The following ERCC8 variants were observed in gnomAD, a reference collection of about 807,000 sequenced individuals.
ERCC8 encodes the protein ERCC excision repair 8, CSA ubiquitin ligase complex subunit, also known as DNA excision repair protein ERCC-8.
Under a neutral mutation model 54.9 loss-of-function variants are expected in ERCC8, and 52 were observed. The observed-to-expected ratio is 0.95, with a 90% CI of 0.76 to 1.19. The LOEUF is 1.19. Among genes scored for constraint, ERCC8 ranks in the 50% most tolerant of loss-of-function variants. ERCC8 has a pLI of 0.00. For missense variants in ERCC8, 514 were observed against 466.1 expected, an observed-to-expected ratio of 1.10 and a Z score of -0.95; for synonymous variants, 146 against 157.2, an observed-to-expected ratio of 0.93 and a Z score of 0.53.
chr5:60,879,471 T>G (rs1402166271), intron 11 of ERCC8, among the ~76,000 whole-genome samples: 47 of 152,222 alleles, frequency 3.1e-4, no homozygotes, highest in Admixed American at 3.1e-3. Context: ...CAGTGGGGTG[T>G]TAAAGTCTCC....
At chr5:60,925,529 AAATTTG>A (rs1749721864) in intron 2 of ERCC8, among the ~76,000 whole-genome samples, 1 of 152,188 alleles carries the variant, frequency 6.6e-6, no homozygotes, top group African/African-American at 2.4e-5. Context: ...TGCTGTAGTC[AAATTTG>A]CTTGCTAAGT....
chr5:60,877,930 G>C (rs1394881264), intron 11 of ERCC8, among the ~76,000 whole-genome samples: 1 of 152,136 alleles, frequency 6.6e-6, no homozygotes, highest in Admixed American at 6.5e-5. Flanking sequence ...TGGTGAGAGA[G>C]GGCATCCCTG....
At chr5:60,922,803 G>C (rs936423897) in intron 2 of ERCC8, among the ~76,000 whole-genome samples, 1 of 152,056 alleles carries the variant, frequency 6.6e-6, no homozygotes, top group Non-Finnish European at 1.5e-5. Flanking sequence ...TCCTGTCTTC[G>C]CAGAGTTTAC....
In ERCC8 at chr5:60,868,950, G is replaced by A. The variant is rs184689090; in HGVS notation, c.*5665C>T. On this transcript the variant is annotated 3_prime_UTR_variant, in exon 12 of 12. Coordinates refer to ENST00000676185, the MANE Select transcript of ERCC8 (RefSeq NM_000082.4). ...ATTAGCTTTCCCTGCTATATTTTTCGACAGGCAATATTCTAATTGTGCTAG... is the reference window on the plus strand; with the variant it reads ...ATTAGCTTTCCCTGCTATATTTTTCAACAGGCAATATTCTAATTGTGCTAG... 3.0e-4 allele frequency among the ~76,000 whole-genome samples: 45 copies of A among 152,106 alleles called. 1 individual carries two copies. Among genetic ancestry groups the A allele is most frequent in the South Asian group, 2.1e-4 (1 of 4,822 alleles).
rs908490644 is a variant in ERCC8 at position 60,868,829 on chromosome 5, C to G, written c.*5786G>C. Among the ~76,000 whole-genome samples, 13 of 152,174 alleles carry G rather than the reference C, an allele frequency of 8.5e-5. No individual in the cohort carries two copies. Among genetic ancestry groups the G allele is most frequent in the African/African-American group, 2.9e-4 (12 of 41,448 alleles). The stretch of plus-strand genomic sequence containing the variant: ...ATTTAATACTTTTCCAGAATTAAAA[C>G]AGAAGAACTAGCACTATCCTGAGCC... On this transcript the variant is annotated 3_prime_UTR_variant, in exon 12 of 12. Transcript: ENST00000676185.
At chr5:60,890,528 T>A (rs1748515591) in intron 10 of ERCC8, among the ~76,000 whole-genome samples, 1 of 152,194 alleles carries the variant, frequency 6.6e-6, no homozygotes, top group Non-Finnish European at 1.5e-5. Flanking sequence ...CACACATACA[T>A]AAACCAACAT....
In ERCC8 at chr5:60,881,737, G is replaced by A. The variant is rs749569622; in HGVS notation, c.1122+5703C>T. ...TGCAGTATTAGGGTGGGAGTGACCCGATTTTCCAGGTGCCGTCTGTCACCC... is the reference window on the plus strand; with the variant it reads ...TGCAGTATTAGGGTGGGAGTGACCCAATTTTCCAGGTGCCGTCTGTCACCC... On this transcript the variant is annotated intron_variant, in intron 11 of 11. Transcript: ENST00000676185. Among the ~76,000 whole-genome samples the A allele has an allele frequency of 3.3e-5, 5 of 152,118 alleles. No homozygotes were observed. In the South Asian group the frequency reaches 1.0e-3, roughly 32 times the overall value.
At chr5:60,894,458 G>T (rs530546302) in intron 9 of ERCC8, among the ~76,000 whole-genome samples, 8 of 152,176 alleles carry the variant, frequency 5.3e-5, no homozygotes, top group African/African-American at 1.9e-4. Flanking sequence ...AGAAAACAGG[G>T]ATAAAGGCTA....
At position 60,891,341 on chromosome 5, in the gene ERCC8, C is replaced by A. The variant is rs4647125; in HGVS notation, c.844-255G>T. Among the ~76,000 whole-genome samples, 364 of 151,906 alleles carry A rather than the reference C, an allele frequency of 2.4e-3. 8 individuals are homozygous for A. The highest frequency in any genetic ancestry group is 8.5e-3 in the African/African-American group (354 of 41,412). ...ATAGAAGTAAAATACAGACTTCAAC[C>A]TTGAAGAATCATTTTAGACCATTTA... On this transcript the variant is annotated intron_variant, in intron 9 of 11. Transcript: ENST00000676185.
At chr5:60,898,214 A>T in intron 9 of ERCC8, 62 bp downstream of exon 9, 2 of 1,526,948 alleles carry the variant, frequency 1.3e-6, no homozygotes, top group Non-Finnish European at 1.8e-6. Flanking sequence ...TAAAAAAATC[A>T]AGTGTATGTC....
At chr5:60,920,160 G>T (rs1370927156) in intron 3 of ERCC8, among the ~76,000 whole-genome samples, 1 of 151,926 alleles carries the variant, frequency 6.6e-6, no homozygotes, top group Non-Finnish European at 1.5e-5. Context: ...CCCTGACTGT[G>T]TTCTCTATCC....
At chr5:60,944,870 G>A in intron 1 of ERCC8, 62 bp downstream of exon 1, 1 of 1,212,184 alleles carries the variant, frequency 8.2e-7, no homozygotes. Context: ...GTGGGGCAAA[G>A]CTTACAGTCA....
chr5:60,934,549 C>A (rs1750009157), intron 1 of ERCC8, among the ~76,000 whole-genome samples: 1 of 152,146 alleles, frequency 6.6e-6, no homozygotes, highest in Non-Finnish European at 1.5e-5. Flanking sequence ...CTGATTATTT[C>A]TTTTGCTGTG....
chr5:60,902,747 T>G (rs777392638), intron 6 of ERCC8, among the ~76,000 whole-genome samples: 3 of 152,018 alleles, frequency 2.0e-5, no homozygotes, highest in Non-Finnish European at 2.9e-5. Flanking sequence ...AAAAACAGAG[T>G]TAAGTAAGTC....
chr5:60,919,998 T>C (rs963641182), intron 3 of ERCC8, among the ~76,000 whole-genome samples: 1 of 152,060 alleles, frequency 6.6e-6, no homozygotes, highest in South Asian at 2.1e-4. Flanking sequence ...TTTGTTTTAC[T>C]GAAAATAAGA....
At chr5:60,940,727 G>T (rs1299881304) in intron 1 of ERCC8, among the ~76,000 whole-genome samples, 1 of 152,186 alleles carries the variant, frequency 6.6e-6, no homozygotes, top group Non-Finnish European at 1.5e-5. Flanking sequence ...AAGAGACTTT[G>T]AAAACTGAGC....
chr5:60,874,735 T>C, intron 11 of ERCC8, 52 bp from the exon 12 acceptor site: 1 of 1,454,950 alleles, frequency 6.9e-7, no homozygotes, highest in Non-Finnish European at 9.4e-7. Flanking sequence ...TTCTACTTCA[T>C]AATTTTAGGC....
At chr5:60,932,824 T>C (rs1397692319) in intron 1 of ERCC8, among the ~76,000 whole-genome samples, 1 of 151,298 alleles carries the variant, frequency 6.6e-6, no homozygotes, top group Non-Finnish European at 1.5e-5. Context: ...GAAGGGAAAA[T>C]GGGCAAGGAG....
chr5:60,898,100 TGGGTAAG>T (rs930411374), intron 9 of ERCC8, among the ~76,000 whole-genome samples, 169 bp downstream of exon 9: 1 of 152,106 alleles, frequency 6.6e-6, no homozygotes, highest in African/African-American at 2.4e-5. Flanking sequence ...TGGTAGGTAG[TGGGTAAG>T]GGTGGGTTGT....
Sources: allele counts gnomAD v4.1 joint callset (sites outside exome capture counted in the v4.1 genomes callset), GRCh38; gene constraint gnomAD v4.1.1; transcripts MANE v1.5; gene names NCBI Gene and HGNC (gene_info 2026-07-23, HGNC 2026-07-21).